The following HECTD4 variants were observed in gnomAD, a reference collection of about 807,000 sequenced individuals.
HECTD4 encodes HECT domain E3 ubiquitin protein ligase 4.
Under a neutral mutation model 471.5 loss-of-function variants are expected in HECTD4, and 114 were observed. The observed-to-expected ratio is 0.24, with a 90% CI of 0.21 to 0.28. HECTD4 has a LOEUF of 0.28. Among genes scored for constraint, HECTD4 ranks in the 10% least tolerant of loss-of-function variants. The pLI, the probability that HECTD4 is intolerant of heterozygous loss-of-function variation, is 1.00. For missense variants in HECTD4, 3,866 were observed against 5,651.5 expected, an observed-to-expected ratio of 0.68 and a Z score of 10.13; for synonymous variants, 2,012 against 2,256.0, an observed-to-expected ratio of 0.89 and a Z score of 3.07.
At chr12:112,320,514 A>G (rs1476615282) in intron 1 of HECTD4, among the ~76,000 whole-genome samples, 1 of 152,062 alleles carries the variant, frequency 6.6e-6, no homozygotes, top group African/African-American at 2.4e-5. Context: ...CCTGGCCAAC[A>G]TGGTGAAACA....
chr12:112,204,128 C>T (rs1357585582), intron 53 of HECTD4, among the ~76,000 whole-genome samples: 3 of 151,666 alleles, frequency 2.0e-5, no homozygotes, highest in Non-Finnish European at 4.4e-5. Context: ...CTGCAACCTC[C>T]GCCTCCCAGG....
chr12:112,303,065 T>C (rs1352404590), intron 7 of HECTD4, among the ~76,000 whole-genome samples: 1 of 151,904 alleles, frequency 6.6e-6, no homozygotes, highest in African/African-American at 2.4e-5. Flanking sequence ...AAGACATCAC[T>C]TGTGGGTGAT....
At chr12:112,214,999 A>G (rs570199313) in intron 48 of HECTD4, among the ~76,000 whole-genome samples, 1 of 152,200 alleles carries the variant, frequency 6.6e-6, no homozygotes, top group Admixed American at 6.5e-5. Flanking sequence ...ACTAAAATAC[A>G]AAAATTAGCT....
In HECTD4 at chr12:112,162,999, C is replaced by T. The variant is rs563297363; in HGVS notation, c.13120+43G>A. 3 of 1,443,544 alleles carry T rather than the reference C, an allele frequency of 2.1e-6. No homozygotes were observed. Among genetic ancestry groups the T allele is most frequent in the Non-Finnish European group, 2.9e-6 (3 of 1,041,658 alleles). The allele number at this position is 1,443,544 out of a possible 1,614,324, so 89.4% of individuals were successfully genotyped here. A position where few individuals can be genotyped will look rare whatever the true frequency, so the allele number is the denominator to read the frequency against. On this transcript the variant is annotated intron_variant, in intron 75 of 75. Transcript: ENST00000682272. This position sits in a 1 kb window ranked among gnomAD's most constrained non-coding sequence, Gnocchi z 5.2. ...AGCCCCAGTTCCAAACAGAGAAAGGCTAGTGTGTCCCTACTTGGGACATGG... is the reference window on the plus strand; with the variant it reads ...AGCCCCAGTTCCAAACAGAGAAAGGTTAGTGTGTCCCTACTTGGGACATGG...
rs2137014365 is a variant in HECTD4 at position 112,175,846 on chromosome 12, T to C, written c.11484A>G (p.Lys3828=). Residue 3828 remains lysine (K), a synonymous_variant, in exon 66 of 76, where the codon AAA becomes AAG. Transcript: ENST00000682272. ...TGTGAAATCCTTCCAGCGTCAGGTA[T>C]TTTTCCTCAGGGACTGGTGGAAAGG... The part of the protein sequence containing the change: ...PTKKQEVPEE[K]YLTLEGFHKF... 1 of 1,613,534 alleles carries C rather than the reference T, an allele frequency of 6.2e-7. No individual in the cohort carries two copies. The highest frequency in any genetic ancestry group is 2.2e-5 in the East Asian group (1 of 44,878).
chr12:112,200,831 T>C, intron 54 of HECTD4, 33 bp from the exon 55 acceptor site: 1 of 1,596,544 alleles, frequency 6.3e-7, no homozygotes, highest in Non-Finnish European at 8.6e-7. Context: ...CTGTTTGTGC[T>C]GTTTGCTTTT....
intron 45 of HECTD4, among the ~76,000 whole-genome samples, chr12:112,218,273 G>T (rs189740473): frequency 6.6e-6 from 1 of 152,162 alleles, no homozygotes; most frequent in East Asian, 1.9e-4. Context: ...ATATTTATGG[G>T]GTAAGTCAAT....
intron 1 of HECTD4, among the ~76,000 whole-genome samples, chr12:112,335,153 C>CACACACACACACACACACAT (rs1566115911): frequency 3.9e-5 from 6 of 151,958 alleles, no homozygotes; most frequent in African/African-American, 1.5e-4. Flanking sequence ...TACACACACA[C>CACACACACACACACACACAT]ACACACACAC....
chr12:112,258,636 G>A (rs1219899211), intron 19 of HECTD4, 40 bp from the exon 20 acceptor site: 2 of 1,516,672 alleles, frequency 1.3e-6, no homozygotes, highest in East Asian at 2.3e-5. Flanking sequence ...CAGGGCTACT[G>A]TCAGTTATCT....
chr12:112,361,835 T>C (rs974213065), intron 1 of HECTD4, among the ~76,000 whole-genome samples: 1 of 152,154 alleles, frequency 6.6e-6, no homozygotes, highest in African/African-American at 2.4e-5. Flanking sequence ...TAACGTGTAT[T>C]CCAAAAACAA....
rs2030980796 is a variant in HECTD4, at chr12:112,166,794, G to C, written c.12534+523C>G. On this transcript the variant is annotated intron_variant, in intron 72 of 75. Transcript: ENST00000682272. The surrounding 1 kb of genome is among the most constrained non-coding windows in gnomAD (Gnocchi z 4.6). ...ACTGGGCCTCAGTGACGGCCACTGA[G>C]TGAACGGAAGGACTGTGGACTCCAT... is the stretch of plus-strand genomic sequence containing the variant. 1 of 152,720 alleles carries C rather than the reference G, an allele frequency of 6.5e-6. No homozygotes were observed. Among genetic ancestry groups the C allele is most frequent in the South Asian group, 2.1e-4 (1 of 4,840 alleles). 9.5% of individuals were successfully genotyped at this position (152,720 alleles called of 1,614,324 possible).
Position 112,235,872 on chromosome 12 carries a change from C to G in HECTD4, c.5445-88G>C. The G allele has an allele frequency of 8.8e-7, 1 of 1,141,696 alleles. No individual in the cohort carries two copies. Among genetic ancestry groups the G allele is most frequent in the Non-Finnish European group, 1.2e-6 (1 of 816,790 alleles). The allele number at this position is 1,141,696 out of a possible 1,614,324, so 70.7% of individuals were successfully genotyped here. A position where few individuals can be genotyped will look rare whatever the true frequency, so the allele number is the denominator to read the frequency against. Reference sequence around the variant, plus strand: ...CAAGAGTTCTCTGAATGAAACAAACCAATGAAATCTGATTTCACGAGGAAT... The same window carrying G: ...CAAGAGTTCTCTGAATGAAACAAACGAATGAAATCTGATTTCACGAGGAAT... On this transcript the variant is annotated intron_variant, in intron 35 of 75. Coordinates refer to ENST00000682272, the MANE Select transcript of HECTD4 (RefSeq NM_001388303.1). The surrounding 1 kb of genome is among the most constrained non-coding windows in gnomAD (Gnocchi z 5.0).
chr12:112,337,581 TAGAG>T (rs2035981969), intron 1 of HECTD4, among the ~76,000 whole-genome samples: 1 of 152,160 alleles, frequency 6.6e-6, no homozygotes, highest in Non-Finnish European at 1.5e-5. Flanking sequence ...GATTATTTTC[TAGAG>T]AGAAGAAAGA....
intron 1 of HECTD4, among the ~76,000 whole-genome samples, chr12:112,348,767 T>C (rs2036200505): frequency 6.6e-6 from 1 of 152,008 alleles, no homozygotes; most frequent in South Asian, 2.1e-4. Context: ...AAAAAAAGTG[T>C]ATATTAGCAA....
intron 1 of HECTD4, among the ~76,000 whole-genome samples, chr12:112,371,418 A>G (rs372946027): frequency 1.3e-5 from 2 of 151,292 alleles, no homozygotes; most frequent in African/African-American, 4.9e-5. Flanking sequence ...TCTTCTAAAA[A>G]TACAAAGCTA....
rs201254042 is a variant in HECTD4, at chr12:112,244,013, GA to G, written c.4514-5del. 7 of 1,605,816 alleles carry G rather than the reference GA, an allele frequency of 4.4e-6. No homozygotes were observed. Among genetic ancestry groups the G allele is most frequent in the Non-Finnish European group, 5.9e-6 (7 of 1,177,160 alleles). ...GTTTCAGAAGCTGATTTACAAGCTA[GA>G]AAAAAAAGGAATAAAAAGGCTGACA... On this transcript the variant is annotated splice_polypyrimidine_tract_variant and splice_region_variant and intron_variant, in intron 29 of 75. Transcript: ENST00000682272.
chr12:112,208,149 A>AC, intron 51 of HECTD4, 149 bp from the exon 52 acceptor site: 1 of 910,820 alleles, frequency 1.1e-6, no homozygotes, highest in Admixed American at 2.9e-5. Context: ...TACTAGATAC[A>AC]CCCCCAGATG....
intron 29 of HECTD4, 44 bp downstream of exon 29, chr12:112,246,857 G>T: frequency 1.3e-6 from 2 of 1,563,692 alleles, no homozygotes; most frequent in Non-Finnish European, 1.7e-6. Flanking sequence ...TATATTCTCT[G>T]TTCATATAAC....
chr12:112,336,195 G>A (rs1308900889), intron 1 of HECTD4, among the ~76,000 whole-genome samples: 4 of 152,104 alleles, frequency 2.6e-5, no homozygotes, highest in African/African-American at 7.2e-5. Flanking sequence ...AAACTGCAAG[G>A]CAGAAAGTTT....
Sources: gnomAD v4.1 joint callset for allele counts (sites outside exome capture counted in the v4.1 genomes callset) on GRCh38, gnomAD v4.1.1 for gene constraint, Gnocchi (gnomAD v3.1) non-coding constraint, MANE v1.5 for transcripts, NCBI Gene and HGNC (gene_info 2026-07-23, HGNC 2026-07-21) for gene names.